The following DYSF variants were observed in gnomAD, a reference collection of about 807,000 sequenced individuals.
The protein encoded by DYSF is dystrophy-associated fer-1-like 1.
DYSF carries 212 observed loss-of-function variants against 274.9 expected under a neutral mutation model. The observed-to-expected ratio is 0.77, with a 90% CI of 0.69 to 0.86. DYSF has a LOEUF of 0.86. Among genes scored for constraint, DYSF ranks in the 40% least tolerant of loss-of-function variants. DYSF has a pLI of 0.00. For missense variants in DYSF, 2,666 were observed against 2,783.2 expected, an observed-to-expected ratio of 0.96 and a Z score of 0.95; for synonymous variants, 1,091 against 1,078.7, an observed-to-expected ratio of 1.01 and a Z score of -0.22.
chr2:71,591,888 C>T (rs968989131), intron 32 of DYSF, among the ~76,000 whole-genome samples: 4 of 152,216 alleles, frequency 2.6e-5, no homozygotes, highest in Admixed American at 6.5e-5. Context: ...AGTTCTACCC[C>T]GTTTTGCTTT....
intron 24 of DYSF, 152 bp downstream of exon 24, chr2:71,564,365 C>G: frequency 8.6e-7 from 1 of 1,166,390 alleles, no homozygotes; most frequent in Non-Finnish European, 1.2e-6. Flanking sequence ...AAACAATTTC[C>G]CTTTTCCTCG....
At chr2:71,634,097 G>C (rs2094357013) in intron 41 of DYSF, among the ~76,000 whole-genome samples, 1 of 152,174 alleles carries the variant, frequency 6.6e-6, no homozygotes, top group Non-Finnish European at 1.5e-5. Flanking sequence ...AACTGGAGAG[G>C]CTTCCAGTCC....
At chr2:71,676,907 C>A (rs971265880) in intron 52 of DYSF, among the ~76,000 whole-genome samples, 1 of 145,792 alleles carries the variant, frequency 6.9e-6, no homozygotes, top group Non-Finnish European at 1.5e-5. Context: ...TTATGTAGAT[C>A]ATGCTGAGAT....
At chr2:71,598,228 G>C (rs1251296257) in intron 32 of DYSF, among the ~76,000 whole-genome samples, 3 of 152,242 alleles carry the variant, frequency 2.0e-5, no homozygotes, top group Non-Finnish European at 2.9e-5. Flanking sequence ...ATGAATGAAT[G>C]AATAGATGAA....
chr2:71,619,839 G>T (rs530214113), intron 40 of DYSF, among the ~76,000 whole-genome samples: 1 of 152,116 alleles, frequency 6.6e-6, no homozygotes, highest in Admixed American at 6.5e-5. Context: ...AAGTCTTCCT[G>T]CCTTCAGCCC....
chr2:71,545,931 C>G (rs976868141), intron 17 of DYSF, among the ~76,000 whole-genome samples: 5 of 152,224 alleles, frequency 3.3e-5, no homozygotes, highest in African/African-American at 1.2e-4. Flanking sequence ...AAGTCGGGAC[C>G]ACCTTCCATC....
At chr2:71,591,360 G>A (rs1307218502) in intron 32 of DYSF, among the ~76,000 whole-genome samples, 1 of 152,130 alleles carries the variant, frequency 6.6e-6, no homozygotes, top group Non-Finnish European at 1.5e-5. Flanking sequence ...GATCAACAGT[G>A]GTCTATCTCT....
In DYSF at chr2:71,686,568, G is replaced by C; in HGVS notation, c.*76G>C. The C allele has an allele frequency of 6.4e-7, 1 of 1,571,246 alleles. No individual in the cohort carries two copies. Among genetic ancestry groups the C allele is most frequent in the Non-Finnish European group, 8.7e-7 (1 of 1,144,140 alleles). On this transcript the variant is annotated 3_prime_UTR_variant, in exon 56 of 56. Transcript: ENST00000410020. ...CTGGCCTGCCTCCTCCGCCCAGCTC[G>C]GCGAGCTCCTCCAGACCTCCTAGGC...
chr2:71,489,543 A>T (rs559347709), intron 3 of DYSF, among the ~76,000 whole-genome samples: 16 of 152,370 alleles, frequency 1.1e-4, no homozygotes, highest in Non-Finnish European at 1.6e-4. Flanking sequence ...GGGTGGCCTG[A>T]TGCCTCCTAT....
rs542987983 is a variant in DYSF, at chr2:71,487,192, A to G, written c.239+5222A>G. ...TGGAAATGTTGTCTTTGTGTTGACT[A>G]GTGTGCCTGAGAAATTGAATCTTAA... On this transcript the variant is annotated intron_variant, in intron 3 of 55. Coordinates refer to ENST00000410020, the MANE Select transcript of DYSF (RefSeq NM_001130987.2). Among the ~76,000 whole-genome samples the G allele has an allele frequency of 9.8e-5, 15 of 152,352 alleles. No individual in the cohort carries two copies. In the East Asian group the frequency reaches 2.9e-3, roughly 29 times the overall value.
chr2:71,590,367 A>G (rs2093225506), intron 32 of DYSF, 79 bp downstream of exon 32: 2 of 1,519,714 alleles, frequency 1.3e-6, no homozygotes, highest in Admixed American at 1.7e-5. Context: ...TCGGGCAACA[A>G]GGGGTGCTGT....
intron 42 of DYSF, among the ~76,000 whole-genome samples, chr2:71,645,021 T>C (rs1431379598): frequency 1.3e-5 from 2 of 152,050 alleles, no homozygotes; most frequent in African/African-American, 4.8e-5. Flanking sequence ...GATGGGCAGG[T>C]TGTGGGGCTC....
Position 71,660,546 on chromosome 2 carries a change from G to A in DYSF, c.4912-14G>A. On this transcript the variant is annotated splice_polypyrimidine_tract_variant and intron_variant, in intron 44 of 55. Transcript: ENST00000410020. The stretch of plus-strand genomic sequence containing the variant: ...GAAAGTGTTTTCACAGAAGTGTTTT[G>A]TCTCCTCCTCCAGTGTGATCCTTAC... The A allele has an allele frequency of 6.2e-7, 1 of 1,610,512 alleles. No homozygotes were observed. Among genetic ancestry groups the A allele is most frequent in the Non-Finnish European group, 8.5e-7 (1 of 1,176,718 alleles).
chr2:71,530,468 G>A (rs1195390142), intron 14 of DYSF, among the ~76,000 whole-genome samples: 1 of 152,144 alleles, frequency 6.6e-6, no homozygotes, highest in African/African-American at 2.4e-5. Flanking sequence ...CCCTTGGCTG[G>A]CCCTGGGGAT....
Position 71,551,715 on chromosome 2 carries a change from G to A in DYSF, c.1801G>A (p.Val601Met), listed in dbSNP as rs1200077320. The A allele has an allele frequency of 6.2e-7, 1 of 1,604,198 alleles. No individual in the cohort carries two copies. The highest frequency in any genetic ancestry group is 1.7e-5 in the Admixed American group (1 of 57,976). The change falls in exon 19 of 56, where the codon GTG (valine) becomes ATG (methionine). Residue 601 changes from valine (V) to methionine (M), a missense_variant. Val to Met is a conservative substitution (Grantham distance 21, BLOSUM62 1). Coordinates refer to ENST00000410020, the MANE Select transcript of DYSF (RefSeq NM_001130987.2). Reference protein sequence around the residue: ...EDLPADDILRVEKYLRRRKYS... With the variant: ...EDLPADDILRMEKYLRRRKYS... ...CCTTCCTGCGGATGACATCCTCCGG[G>A]TGGAGGTGAGGGGTGTGGCTCTGGG...
intron 53 of DYSF, among the ~76,000 whole-genome samples, chr2:71,680,792 TG>T (rs1244797728): frequency 1.3e-5 from 2 of 152,366 alleles, no homozygotes; most frequent in African/African-American, 4.8e-5. Flanking sequence ...CTCCATGTAG[TG>T]GAAGTAGGGG....
chr2:71,682,436 G>A lies in DYSF; in HGVS notation c.6174-94G>A, dbSNP rs2095307845. The A allele has an allele frequency of 2.0e-6, 3 of 1,522,056 alleles. No homozygotes were observed. In the East Asian group the frequency reaches 6.8e-5, roughly 34 times the overall value. The allele number at this position is 1,522,056 out of a possible 1,614,324, so 94.3% of individuals were successfully genotyped here. ...GCAGGCGCTGGGGGTGGACTGTGGA[G>A]GGCCAGGCCATTGGACCTGCTGTTG... On this transcript the variant is annotated intron_variant, in intron 54 of 55. Transcript: ENST00000410020.
chr2:71,526,468 A>G, intron 13 of DYSF, 122 bp downstream of exon 13: 1 of 1,403,218 alleles, frequency 7.1e-7, no homozygotes. Context: ...TAGGAAAACA[A>G]TCAGAATTTA....
chr2:71,588,684 ATTAC>A (rs936904674), intron 30 of DYSF: 1 of 152,380 alleles, frequency 6.6e-6, no homozygotes, highest in African/African-American at 2.4e-5. Context: ...AGACCGTTTT[ATTAC>A]TTAACCCCAC....
Sources: gnomAD v4.1 joint callset for allele counts (sites outside exome capture counted in the v4.1 genomes callset) on GRCh38, gnomAD v4.1.1 for gene constraint, MANE v1.5 for transcripts, NCBI Gene and HGNC (gene_info 2026-07-23, HGNC 2026-07-21) for gene names.